Variants in VPS50 observed in about 807,000 individuals in gnomAD.
The protein encoded by VPS50 is VPS50 subunit of EARP/GARPII complex, also known as syndetin.
Under a neutral mutation model 139.7 loss-of-function variants are expected in VPS50, and 70 were observed. The ratio of observed to expected loss-of-function variants is 0.50; its 90% CI spans 0.41 to 0.61. The LOEUF (loss-of-function observed/expected upper bound fraction) is 0.61. Among genes scored for constraint, VPS50 ranks in the 20% least tolerant of loss-of-function variants. VPS50 has a pLI of 0.00. For synonymous variants in VPS50, 365 were observed against 376.7 expected (o/e 0.97, Z 0.36); for missense variants, 921 against 1,133.7 (o/e 0.81, Z 2.69).
intron 2 of VPS50, among the ~76,000 whole-genome samples, chr7:93,247,992 A>G (rs1795206249): frequency 6.6e-6 from 1 of 152,024 alleles, no homozygotes; most frequent in African/African-American, 2.4e-5. Context: ...CATTGACAGC[A>G]AGTTGTGTGG....
At position 93,291,800 on chromosome 7, in the gene VPS50, A is replaced by G; in HGVS notation, c.1040A>G (p.Glu347Gly). 7 of 1,603,168 alleles carry G rather than the reference A, an allele frequency of 4.4e-6. No homozygotes were observed. The highest frequency in any genetic ancestry group is 6.0e-6 in the Non-Finnish European group (7 of 1,173,360). Residue 347 changes from glutamate (E) to glycine (G), a missense_variant, in exon 13 of 28, where the codon GAA becomes GGA. By Grantham distance (98) the Glu-to-Gly change is moderately conservative. This residue lies in a region of VPS50 where 744 missense variants were observed against 930.6 expected (regional missense o/e 0.80). Coordinates refer to ENST00000305866, the MANE Select transcript of VPS50 (RefSeq NM_017667.4). ...TATTATAGGACTATGGAATGGCATG[A>G]AAAGCATGACAATGAGGATACTGCT... ...LSYYRTMEWH[E>G]KHDNEDTASA...
chr7:93,314,115 G>T (rs1470186828), intron 20 of VPS50, among the ~76,000 whole-genome samples: 1 of 152,132 alleles, frequency 6.6e-6, no homozygotes, highest in African/African-American at 2.4e-5. Flanking sequence ...TGTTGTTATT[G>T]CATAGAAGTG....
chr7:93,253,213 C>T (rs1795387126), intron 3 of VPS50, among the ~76,000 whole-genome samples: 2 of 152,154 alleles, frequency 1.3e-5, no homozygotes, highest in Non-Finnish European at 2.9e-5. Flanking sequence ...GAAATTTAGT[C>T]TTAGATACAA....
intron 27 of VPS50, among the ~76,000 whole-genome samples, chr7:93,356,632 A>G (rs1209572366): frequency 1.3e-5 from 2 of 152,150 alleles, no homozygotes; most frequent in Non-Finnish European, 2.9e-5. Context: ...TTTCTTTTGT[A>G]TGACTATATA....
intron 9 of VPS50, among the ~76,000 whole-genome samples, 168 bp downstream of exon 9, chr7:93,259,800 A>G (rs1191292075): frequency 6.6e-6 from 1 of 152,178 alleles, no homozygotes; most frequent in Non-Finnish European, 1.5e-5. Context: ...ATAGGCTTTA[A>G]GGTGTGAAAG....
intron 20 of VPS50, among the ~76,000 whole-genome samples, chr7:93,314,174 G>GA (rs1797354245): frequency 6.6e-6 from 1 of 152,202 alleles, no homozygotes; most frequent in African/African-American, 2.4e-5. Flanking sequence ...TACAAAGGGA[G>GA]AAGTACGGTT....
At chr7:93,340,317 A>T (rs1466936976) in intron 22 of VPS50, among the ~76,000 whole-genome samples, 3 of 152,222 alleles carry the variant, frequency 2.0e-5, no homozygotes, top group Admixed American at 2.0e-4. Context: ...AAATATTGAA[A>T]TATTTGGAGT....
chr7:93,334,861 T>C (rs1415239090), intron 22 of VPS50, among the ~76,000 whole-genome samples: 2 of 152,200 alleles, frequency 1.3e-5, no homozygotes, highest in Non-Finnish European at 2.9e-5. Flanking sequence ...TTGTGGTTGG[T>C]CACTGTAGCC....
At chr7:93,304,628 AC>A (rs1464131917) in intron 17 of VPS50, among the ~76,000 whole-genome samples, 2 of 151,788 alleles carry the variant, frequency 1.3e-5, no homozygotes, top group East Asian at 3.8e-4. Flanking sequence ...TTTTATTTGA[AC>A]TCCTTTTTAA....
chr7:93,272,846 T>C, intron 11 of VPS50, 113 bp downstream of exon 11: 1 of 561,038 alleles, frequency 1.8e-6, no homozygotes, highest in Non-Finnish European at 3.1e-6. Flanking sequence ...TTTAACGAAG[T>C]ACATTTTTAT....
At chr7:93,253,047 C>A (rs1408866947) in intron 3 of VPS50, among the ~76,000 whole-genome samples, 1 of 152,068 alleles carries the variant, frequency 6.6e-6, no homozygotes, top group Non-Finnish European at 1.5e-5. Flanking sequence ...CTGTTTCTAT[C>A]CTATTTTATA....
At chr7:93,236,845 A>G (rs1794815783) in intron 1 of VPS50, among the ~76,000 whole-genome samples, 7 of 151,922 alleles carry the variant, frequency 4.6e-5, no homozygotes, top group Admixed American at 4.6e-4. Flanking sequence ...TGTCATAATA[A>G]AAATATTAAG....
chr7:93,234,953 T>G (rs913932624), intron 1 of VPS50, among the ~76,000 whole-genome samples: 1 of 145,346 alleles, frequency 6.9e-6, no homozygotes, highest in African/African-American at 2.6e-5. Flanking sequence ...AAAAAAAAAA[T>G]AGACAAGTGT....
intron 9 of VPS50, among the ~76,000 whole-genome samples, chr7:93,265,481 A>T (rs1381804503): frequency 6.6e-6 from 1 of 152,204 alleles, no homozygotes; most frequent in Non-Finnish European, 1.5e-5. Context: ...TGTGATCTAG[A>T]ATTACAGTTA....
chr7:93,282,076 C>T (rs1326499840), intron 12 of VPS50, among the ~76,000 whole-genome samples: 3 of 151,826 alleles, frequency 2.0e-5, no homozygotes, highest in Admixed American at 6.6e-5. Flanking sequence ...TGGTGGCGGG[C>T]GCTTGTAGTC....
chr7:93,280,926 C>T (rs2116908656), intron 12 of VPS50, among the ~76,000 whole-genome samples: 1 of 152,088 alleles, frequency 6.6e-6, no homozygotes, highest in Non-Finnish European at 1.5e-5. Flanking sequence ...CATACATACA[C>T]ACTCATATAT....
rs1312566616 is a variant in VPS50 at position 93,258,402 on chromosome 7, C to A, written c.576+10C>A. The stretch of plus-strand genomic sequence containing the variant: ...AAGTGAAATGCTGGAGGTAAGTTAA[C>A]AAGTTTTGGAAATTTAGGGTCCTAC... On this transcript the variant is annotated intron_variant, in intron 8 of 27. Coordinates refer to ENST00000305866, the MANE Select transcript of VPS50 (RefSeq NM_017667.4). The A allele has an allele frequency of 6.2e-7, 1 of 1,611,116 alleles. No homozygotes were observed. Among genetic ancestry groups the A allele is most frequent in the Non-Finnish European group, 8.5e-7 (1 of 1,177,712 alleles).
chr7:93,249,020 C>G (rs1233441522), intron 2 of VPS50, among the ~76,000 whole-genome samples: 2 of 151,940 alleles, frequency 1.3e-5, no homozygotes, highest in South Asian at 2.1e-4. Flanking sequence ...TTCTGATTTT[C>G]TAGGTTTTAT....
At position 93,254,331 on chromosome 7, in the gene VPS50, A is replaced by G. The variant is rs535665474; in HGVS notation, c.297+400A>G. Among the ~76,000 whole-genome samples the G allele has an allele frequency of 1.8e-4, 28 of 152,302 alleles. 1 individual carries two copies. The highest frequency in any genetic ancestry group is 1.6e-3 in the Admixed American group (25 of 15,294). On this transcript the variant is annotated intron_variant, in intron 4 of 27. Transcript: ENST00000305866. ...GTTGCCCAGGCTAGAGTGCGATTGCACGATCATGGCTCACTGCAGCCTCTC... is the reference window on the plus strand; with the variant it reads ...GTTGCCCAGGCTAGAGTGCGATTGCGCGATCATGGCTCACTGCAGCCTCTC...
Sources: gnomAD v4.1 joint callset for allele counts (sites outside exome capture counted in the v4.1 genomes callset) on GRCh38, gnomAD v4.1.1 for gene constraint, gnomAD v4.1.1 regional missense constraint, MANE v1.5 for transcripts, NCBI Gene and HGNC (gene_info 2026-07-23, HGNC 2026-07-21) for gene names.